The following UBA5 variants were observed in gnomAD, a reference collection of about 807,000 sequenced individuals.
The protein encoded by UBA5 is ubiquitin like modifier activating enzyme 5.
UBA5 carries 28 observed loss-of-function variants against 52.9 expected under a neutral mutation model. The ratio of observed to expected loss-of-function variants is 0.53; its 90% CI spans 0.39 to 0.73. The LOEUF is 0.73. Among genes scored for constraint, UBA5 ranks in the 30% least tolerant of loss-of-function variants. The probability of loss-of-function intolerance (pLI) is 0.00; values close to 1 mark genes in which losing one functional copy is unlikely to be tolerated. For synonymous variants in UBA5, 135 were observed against 162.1 expected, an observed-to-expected ratio of 0.83 and a Z score of 1.27; for missense variants, 388 against 492.7, an observed-to-expected ratio of 0.79 and a Z score of 2.01.
intron 8 of UBA5, among the ~76,000 whole-genome samples, chr3:132,674,093 T>G (rs539184636): frequency 1.3e-5 from 2 of 152,236 alleles, no homozygotes; most frequent in African/African-American, 2.4e-5. Flanking sequence ...TTTGATAACT[T>G]TGAGTATCAT....
intron 4 of UBA5, 101 bp downstream of exon 4, chr3:132,669,028 C>T (rs1576645563): frequency 2.4e-6 from 2 of 832,366 alleles, no homozygotes; most frequent in African/African-American, 3.5e-5. Flanking sequence ...CTATAAAATG[C>T]AGTTTTCACT....
upstream of UBA5, chr3:132,659,897 G>A (rs896131925): frequency 7.8e-5 from 76 of 979,124 alleles, no homozygotes; most frequent in Non-Finnish European, 1.0e-4. Context: ...CCTACGCGCC[G>A]TTGCTGAGCA....
intron 8 of UBA5, among the ~76,000 whole-genome samples, chr3:132,672,820 AAAG>A (rs1938663598): frequency 2.6e-5 from 4 of 152,232 alleles, no homozygotes; most frequent in Admixed American, 6.5e-5. Flanking sequence ...CTGTAGCTAA[AAAG>A]AAGGAAAAAG....
chr3:132,664,358 T>C (rs2107929048), intron 1 of UBA5, among the ~76,000 whole-genome samples: 1 of 152,334 alleles, frequency 6.6e-6, no homozygotes, highest in South Asian at 2.1e-4. Flanking sequence ...ATATGCCCTT[T>C]GCTTTGTCAT....
chr3:132,658,893 TCA>T (rs368340208), upstream of UBA5, among the ~76,000 whole-genome samples: 111 of 152,346 alleles, frequency 7.3e-4, 1 homozygote, highest in African/African-American at 2.5e-3. Context: ...AAACTAGTTC[TCA>T]GAGTGTTTAT....
At position 132,672,067 on chromosome 3, in the gene UBA5, A is replaced by G. The variant is rs372527427; in HGVS notation, c.702A>G (p.Val234=). 1 of 1,613,746 alleles carries G rather than the reference A, an allele frequency of 6.2e-7. No individual in the cohort carries two copies. The highest frequency in any genetic ancestry group is 1.3e-5 in the African/African-American group (1 of 74,882). Residue 234 remains valine (V), a synonymous_variant, in exon 8 of 12, where the codon GTA becomes GTG. Coordinates refer to ENST00000356232, the MANE Select transcript of UBA5 (RefSeq NM_024818.6). ...SACFACAPPL[V]VAANIDEKTL... ...TCATGTAGTGTGCTCCACCACTTGT[A>G]GTTGCTGCAAATATTGATGAAAAGA...
rs1403534163 is a variant in UBA5 at position 132,678,839 on chromosome 3, G to A, written c.*2313G>A. Among the ~76,000 whole-genome samples the A allele has an allele frequency of 3.3e-5, 5 of 151,582 alleles. No individual in the cohort carries two copies. The highest frequency in any genetic ancestry group is 4.8e-5 in the African/African-American group (2 of 41,264). ...TAATTTTTGTATTTTTAGTAGAGGC[G>A]AGGTTTCACCATGTTGGCCAGGCTG... On this transcript the variant is annotated 3_prime_UTR_variant, in exon 12 of 12. Transcript: ENST00000356232.
Position 132,660,463 on chromosome 3 carries a change from G to C in UBA5, c.-75G>C. 1 of 1,528,520 alleles carries C rather than the reference G, an allele frequency of 6.5e-7. No individual in the cohort carries two copies. Among genetic ancestry groups the C allele is most frequent in the Non-Finnish European group, 8.8e-7 (1 of 1,139,556 alleles). 94.7% of individuals were successfully genotyped at this position (1,528,520 alleles called of 1,614,324 possible). A position where few individuals can be genotyped will look rare whatever the true frequency, so the allele number is the denominator to read the frequency against. On this transcript the variant is annotated 5_prime_UTR_variant, in exon 1 of 12. Coordinates refer to ENST00000356232, the MANE Select transcript of UBA5 (RefSeq NM_024818.6). The surrounding 1 kb of genome is among the most constrained non-coding windows in gnomAD (Gnocchi z 4.1). The stretch of plus-strand genomic sequence containing the variant: ...GTGCCTCCCCACGTACCCCTCGCGG[G>C]CCCAGCCGAGCAACGTGGGGCGAAG...
At chr3:132,670,746 ATAAG>A (rs924285916) in intron 5 of UBA5, 24 of 328,100 alleles carry the variant, frequency 7.3e-5, no homozygotes, top group African/African-American at 4.8e-4. Flanking sequence ...TTCTTGTAAA[ATAAG>A]TAATACTACA....
intron 1 of UBA5, among the ~76,000 whole-genome samples, chr3:132,663,439 C>G (rs1938249461): frequency 1.3e-5 from 2 of 152,132 alleles, no homozygotes; most frequent in South Asian, 4.1e-4. Context: ...TGTTTACATG[C>G]TGAATGCTGT....
At chr3:132,658,850 T>G (rs1444964762), upstream of UBA5, among the ~76,000 whole-genome samples, 1 of 152,216 alleles carries the variant, frequency 6.6e-6, no homozygotes, top group East Asian at 1.9e-4. Flanking sequence ...ATTTCATTAA[T>G]AAGACTAATC....
chr3:132,654,463 T>G (rs1455615276), exon 1 of UBA5: 1 of 152,206 alleles, frequency 6.6e-6, no homozygotes, highest in African/African-American at 2.4e-5. Flanking sequence ...TAAGATAGCA[T>G]CTGCTGTGGC....
chr3:132,665,137 T>G (rs995011810), intron 1 of UBA5, among the ~76,000 whole-genome samples: 2 of 152,116 alleles, frequency 1.3e-5, no homozygotes, highest in Admixed American at 6.6e-5. Context: ...GAGCAAAATC[T>G]GATTCACGTA....
chr3:132,670,895 A>G lies in UBA5; in HGVS notation c.495-70A>G. On this transcript the variant is annotated intron_variant, in intron 5 of 11. Transcript: ENST00000356232. ...AATGAAAGAATAAGTGTTGGACTGAACAAGTAAGTATAATGTATTAGAGTG... is the reference window on the plus strand; with the variant it reads ...AATGAAAGAATAAGTGTTGGACTGAGCAAGTAAGTATAATGTATTAGAGTG... The G allele has an allele frequency of 2.8e-6, 3 of 1,082,210 alleles. No individual in the cohort carries two copies. In the South Asian group the frequency reaches 3.9e-5, roughly 14 times the overall value. 67.0% of individuals were successfully genotyped at this position (1,082,210 alleles called of 1,614,324 possible). A position where few individuals can be genotyped will look rare whatever the true frequency, so the allele number is the denominator to read the frequency against.
At chr3:132,670,441 A>G (rs1938552086) in intron 5 of UBA5, among the ~76,000 whole-genome samples, 157 bp downstream of exon 5, 1 of 152,148 alleles carries the variant, frequency 6.6e-6, no homozygotes, top group South Asian at 2.1e-4. Flanking sequence ...ATGTATTAGA[A>G]TATCATTTAA....
rs1450806717 is a variant in UBA5 at position 132,679,570 on chromosome 3, T to C, written c.*3044T>C. Among the ~76,000 whole-genome samples the C allele has an allele frequency of 2.6e-5, 4 of 152,248 alleles. No individual in the cohort carries two copies. The highest frequency in any genetic ancestry group is 9.6e-5 in the African/African-American group (4 of 41,472). ...TGGAATACATAATTTTGAGTGATCA[T>C]GTCTCCAACTACAGTTATTCAGGCA... On this transcript the variant is annotated 3_prime_UTR_variant, in exon 12 of 12. Coordinates refer to ENST00000356232, the MANE Select transcript of UBA5 (RefSeq NM_024818.6).
chr3:132,675,675 A>T lies in UBA5; in HGVS notation c.1019A>T (p.Glu340Val), dbSNP rs750684941. 6.2e-7 allele frequency: 1 copy of T among 1,608,906 alleles called. No homozygotes were observed. ...EEEEIIHEDN[E>V]WGIELVSEVS... The stretch of plus-strand genomic sequence containing the variant: ...GAAGAGATAATCCATGAAGATAATG[A>T]ATGGGGTAGGTATTCTTTTATAAAT... Residue 340 changes from glutamate (E) to valine (V), a missense_variant, in exon 10 of 12, where the codon GAA (glutamate) becomes GTA (valine). Glu to Val is a moderately radical substitution (Grantham distance 121, BLOSUM62 -2). This residue lies in a region of UBA5 where 277 missense variants were observed against 326.4 expected (regional missense o/e 0.85). Coordinates refer to ENST00000356232, the MANE Select transcript of UBA5 (RefSeq NM_024818.6).
Position 132,661,123 on chromosome 3 carries a change from T to C in UBA5, c.161+425T>C, listed in dbSNP as rs1175290976. 6.5e-6 allele frequency: 8 copies of C among 1,231,016 alleles called. No individual in the cohort carries two copies. In the African/African-American group the frequency reaches 7.7e-5, roughly 12 times the overall value. 76.3% of individuals were successfully genotyped at this position (1,231,016 alleles called of 1,614,324 possible). ...CGGGGCGGGGGAGAGCGGGGTTAGC[T>C]CTATTCTGAGATATTCGGGTGCTCC... is the stretch of plus-strand genomic sequence containing the variant. On this transcript the variant is annotated intron_variant, in intron 1 of 11. Transcript: ENST00000356232.
At chr3:132,675,726 T>G in intron 10 of UBA5, 46 bp downstream of exon 10, 2 of 1,554,464 alleles carry the variant, frequency 1.3e-6, no homozygotes, top group South Asian at 2.3e-5. Context: ...AAACAAAACC[T>G]TTTATGGTAG....
Sources: gnomAD v4.1 joint callset for allele counts (sites outside exome capture counted in the v4.1 genomes callset) on GRCh38, gnomAD v4.1.1 for gene constraint, gnomAD v4.1.1 regional missense constraint, Gnocchi (gnomAD v3.1) non-coding constraint, MANE v1.5 for transcripts, NCBI Gene and HGNC (gene_info 2026-07-23, HGNC 2026-07-21) for gene names.